MACROD2: variants seen among roughly 807,000 people sequenced by gnomAD.
MACROD2 encodes the protein ADP-ribose glycohydrolase MACROD2.
Under a neutral mutation model 70.4 loss-of-function variants are expected in MACROD2, and 36 were observed. The observed-to-expected ratio is 0.51, with a 90% CI of 0.39 to 0.68. The LOEUF is 0.68. Among genes scored for constraint, MACROD2 ranks in the 30% least tolerant of loss-of-function variants. The pLI, the probability that MACROD2 is intolerant of heterozygous loss-of-function variation, is 0.00. For synonymous variants in MACROD2, 172 were observed against 178.8 expected, an observed-to-expected ratio of 0.96 and a Z score of 0.30; for missense variants, 496 against 538.4, an observed-to-expected ratio of 0.92 and a Z score of 0.78.
At chr20:15,905,257 T>G (rs2065129990) in intron 10 of MACROD2, among the ~76,000 whole-genome samples, 1 of 152,198 alleles carries the variant, frequency 6.6e-6, no homozygotes, top group Non-Finnish European at 1.5e-5. Context: ...AAACTTTCTT[T>G]TAAAACTCCT....
chr20:15,281,669 T>C (rs2077445929), intron 6 of MACROD2, among the ~76,000 whole-genome samples: 1 of 152,180 alleles, frequency 6.6e-6, no homozygotes, highest in Admixed American at 6.5e-5. Flanking sequence ...CTTTGCAGGG[T>C]ACAGCGTCCC....
chr20:15,871,175 C>A (rs369945857), intron 9 of MACROD2, among the ~76,000 whole-genome samples: 697 of 114,456 alleles, frequency 6.1e-3, no homozygotes, highest in Middle Eastern at 9.9e-3. Context: ...GACTCCATCT[C>A]AAAAAAAAAA....
In MACROD2 at chr20:15,581,554, G is replaced by A. The variant is rs1296939749; in HGVS notation, c.645+81707G>A. On this transcript the variant is annotated intron_variant, in intron 8 of 17. Transcript: ENST00000684519. ...ACCAGGTAACTGAAAGGTGTGAAAAGAGGTCTCTAAGGCGTTATGGAGGCA... is the reference window on the plus strand; with the variant it reads ...ACCAGGTAACTGAAAGGTGTGAAAAAAGGTCTCTAAGGCGTTATGGAGGCA... Among the ~76,000 whole-genome samples, 3 of 152,208 alleles carry A rather than the reference G, an allele frequency of 2.0e-5. No individual in the cohort carries two copies. The East Asian group carries it at 5.8e-4, about 29-fold the overall frequency.
At chr20:15,571,517 T>C (rs1180285024) in intron 8 of MACROD2, among the ~76,000 whole-genome samples, 5 of 152,110 alleles carry the variant, frequency 3.3e-5, no homozygotes, top group Non-Finnish European at 7.4e-5. Flanking sequence ...ATAAACTTTA[T>C]ATTTTAATAT....
intron 5 of MACROD2, among the ~76,000 whole-genome samples, chr20:15,177,694 C>G (rs2076472499): frequency 6.6e-6 from 1 of 152,196 alleles, no homozygotes; most frequent in African/African-American, 2.4e-5. Context: ...GTACAATTTA[C>G]TTCCTTTTCT....
intron 2 of MACROD2, among the ~76,000 whole-genome samples, chr20:14,077,161 ACATT>A (rs2053925885): frequency 0.011 from 1 of 94 alleles, no homozygotes; most frequent in Non-Finnish European, 0.036. Context: ...CCTTAGACTT[ACATT>A]ACATTACATT....
intron 5 of MACROD2, among the ~76,000 whole-genome samples, chr20:15,211,517 C>T (rs764836760): frequency 1.1e-4 from 16 of 152,148 alleles, no homozygotes; most frequent in African/African-American, 2.9e-4. Context: ...GGCTTGGTGC[C>T]GTCCTCACAG....
At chr20:14,458,242 A>G (rs905017296) in intron 3 of MACROD2, among the ~76,000 whole-genome samples, 1 of 152,172 alleles carries the variant, frequency 6.6e-6, no homozygotes, top group African/African-American at 2.4e-5. Flanking sequence ...CCTTCTTTAA[A>G]TATTAACTTT....
chr20:15,797,079 A>G (rs1202350487), intron 8 of MACROD2, among the ~76,000 whole-genome samples: 2 of 152,046 alleles, frequency 1.3e-5, no homozygotes, highest in Non-Finnish European at 2.9e-5. Flanking sequence ...TCTTCTAGCA[A>G]CCTGACCTTT....
chr20:14,423,812 G>A (rs1486242192), intron 3 of MACROD2, among the ~76,000 whole-genome samples: 53 of 133,754 alleles, frequency 4.0e-4, no homozygotes, highest in Admixed American at 3.3e-3. Context: ...GCCCAGGCTG[G>A]AGTGCAATGG....
At chr20:14,294,624 G>T (rs1478617230) in intron 3 of MACROD2, among the ~76,000 whole-genome samples, 1 of 151,784 alleles carries the variant, frequency 6.6e-6, no homozygotes, top group Non-Finnish European at 1.5e-5. Flanking sequence ...TTAAAAATTA[G>T]CTACGGCATA....
At chr20:14,811,960 A>G (rs1490716903) in intron 5 of MACROD2, among the ~76,000 whole-genome samples, 1 of 152,084 alleles carries the variant, frequency 6.6e-6, no homozygotes, top group Non-Finnish European at 1.5e-5. Flanking sequence ...AGACATAGGA[A>G]CGCTTTACAC....
At chr20:15,129,669 A>G (rs1267628887) in intron 5 of MACROD2, among the ~76,000 whole-genome samples, 1 of 152,118 alleles carries the variant, frequency 6.6e-6, no homozygotes, top group Non-Finnish European at 1.5e-5. Context: ...AGCTTTGCTG[A>G]GTGTCAACCC....
At chr20:14,016,234 G>C (rs1345715595) in intron 2 of MACROD2, among the ~76,000 whole-genome samples, 1 of 152,178 alleles carries the variant, frequency 6.6e-6, no homozygotes, top group Non-Finnish European at 1.5e-5. Flanking sequence ...CTTTGGAGAA[G>C]TATCTATTCA....
intron 4 of MACROD2, among the ~76,000 whole-genome samples, chr20:14,643,325 A>G (rs1490910521): frequency 6.6e-6 from 1 of 152,190 alleles, no homozygotes; most frequent in Non-Finnish European, 1.5e-5. Context: ...TGGTTGAGTG[A>G]TGGTGGCAGC....
intron 5 of MACROD2, among the ~76,000 whole-genome samples, chr20:14,719,425 G>T (rs2071436573): frequency 7.1e-6 from 1 of 141,180 alleles, no homozygotes; most frequent in African/African-American, 2.6e-5. Flanking sequence ...TTCACTCACA[G>T]AATTCTACTT....
At chr20:14,878,686 TA>T (rs2073577513) in intron 5 of MACROD2, among the ~76,000 whole-genome samples, 1 of 152,176 alleles carries the variant, frequency 6.6e-6, no homozygotes, top group Admixed American at 6.5e-5. Flanking sequence ...TGAATTCTTT[TA>T]TTTTTTTAAA....
chr20:14,392,207 T>C (rs1182210609), intron 3 of MACROD2, among the ~76,000 whole-genome samples: 1 of 152,180 alleles, frequency 6.6e-6, no homozygotes, highest in African/African-American at 2.4e-5. Context: ...AGAATTGTTA[T>C]GTATTTCAAA....
intron 8 of MACROD2, among the ~76,000 whole-genome samples, chr20:15,748,042 A>G (rs1184817400): frequency 6.6e-6 from 1 of 152,154 alleles, no homozygotes; most frequent in East Asian, 1.9e-4. Context: ...AATGTGTTCT[A>G]CAAATCCCAG....
Sources: allele counts gnomAD v4.1 joint callset (sites outside exome capture counted in the v4.1 genomes callset), GRCh38; gene constraint gnomAD v4.1.1; transcripts MANE v1.5; gene names NCBI Gene and HGNC (gene_info 2026-07-23, HGNC 2026-07-21).